Variants in ZNF362 observed in about 807,000 individuals in gnomAD.
The protein encoded by ZNF362 is zinc finger protein 362, also known as rotund homolog.
A neutral mutation model predicts 42.9 loss-of-function variants in ZNF362; 11 were observed. That is an observed-to-expected ratio of 0.26 (90% CI 0.16 to 0.42). The LOEUF is 0.42. Ranked by LOEUF, ZNF362 falls within the 20% of genes least tolerant of loss-of-function variation. The pLI is 1.00. For synonymous variants in ZNF362, 255 were observed against 257.3 expected, an observed-to-expected ratio of 0.99 and a Z score of 0.09; for missense variants, 362 against 576.2, an observed-to-expected ratio of 0.63 and a Z score of 3.81.
the ZNF362 span, among the ~76,000 whole-genome samples, chr1:33,127,857 G>A: frequency 1.9e-4 from 29 of 152,112 alleles, no homozygotes; most frequent in African/African-American, 6.3e-4. Flanking sequence ...CCCTGCTCTC[G>A]CCTTCACTCG....
At chr1:33,215,359 G>T in the ZNF362 span, among the ~76,000 whole-genome samples, 2 of 152,022 alleles carry the variant, frequency 1.3e-5, no homozygotes, top group African/African-American at 4.8e-5. Flanking sequence ...GGAAGCTTGG[G>T]GTAGGGTGGG....
chr1:33,250,890 A>AAGAAGAAGAAGAAGAAGG, the ZNF362 span, among the ~76,000 whole-genome samples: 4 of 150,956 alleles, frequency 2.6e-5, no homozygotes, highest in Non-Finnish European at 4.4e-5. Context: ...GAAGAAGAAG[A>AAGAAGAAGAAGAAGAAGG]AGAAGGAGAA....
At chr1:33,138,184 G>T in the ZNF362 span, among the ~76,000 whole-genome samples, 9 of 152,116 alleles carry the variant, frequency 5.9e-5, no homozygotes, top group Non-Finnish European at 8.8e-5. Context: ...CATCTGCTGC[G>T]GCAGGTTCCC....
rs757844750 is a variant in ZNF362, at chr1:33,299,038, C to G, written c.1255C>G (p.Leu419Val). Reference protein sequence around the residue: ...ESPGIPVRISLI With the variant: ...ESPGIPVRISVI ...CCCCGGCATCCCGGTGCGAATCTCTCTCATCTGAGCCCACTGGAGGCGCCG... is the reference window on the plus strand; with the variant it reads ...CCCCGGCATCCCGGTGCGAATCTCTGTCATCTGAGCCCACTGGAGGCGCCG... Residue 419 changes from leucine to valine, a missense_variant, in exon 9 of 9, where the codon CTC (leucine) becomes GTC (valine). Coordinates refer to ENST00000539719, the MANE Select transcript of ZNF362 (RefSeq NM_152493.3). The G allele has an allele frequency of 6.2e-7, 1 of 1,608,702 alleles. No homozygotes were observed. The highest frequency in any genetic ancestry group is 8.5e-7 in the Non-Finnish European group (1 of 1,179,782).
chr1:33,189,671 A>ATATATATG, the ZNF362 span, among the ~76,000 whole-genome samples: 31 of 105,054 alleles, frequency 3.0e-4, 1 homozygote, highest in African/African-American at 1.1e-3. Context: ...ATATATATAT[A>ATATATATG]TGTATATATA....
chr1:33,222,518 T>C, the ZNF362 span, among the ~76,000 whole-genome samples: 1 of 152,200 alleles, frequency 6.6e-6, no homozygotes. Flanking sequence ...ATGAATCACA[T>C]CATGCCACTG....
At chr1:33,210,783 C>A in the ZNF362 span, among the ~76,000 whole-genome samples, 1 of 152,072 alleles carries the variant, frequency 6.6e-6, no homozygotes, top group East Asian at 1.9e-4. Flanking sequence ...GCTTGGTAGA[C>A]CTTCCTCCAT....
chr1:33,295,453 A>G (rs1036827871), intron 8 of ZNF362, 148 bp downstream of exon 8: 24 of 1,101,928 alleles, frequency 2.2e-5, no homozygotes, highest in Non-Finnish European at 3.1e-5. Context: ...CCCTGAGATC[A>G]CAGGGAAGGG....
chr1:33,196,741 G>T, the ZNF362 span, among the ~76,000 whole-genome samples: 1 of 152,216 alleles, frequency 6.6e-6, no homozygotes, highest in South Asian at 2.1e-4. Context: ...GTACATAATT[G>T]TATGTGCTAG....
Position 33,281,679 on chromosome 1 carries a change from A to G in ZNF362, c.776A>G (p.His259Arg). 1 of 1,614,220 alleles carries G rather than the reference A, an allele frequency of 6.2e-7. No homozygotes were observed. The highest frequency in any genetic ancestry group is 8.5e-7 in the Non-Finnish European group (1 of 1,180,032). The part of the protein sequence containing the change: ...HTEAKPHKCP[H>R]CSKSFANASY... The stretch of plus-strand genomic sequence containing the variant: ...GAGGCCAAGCCCCACAAGTGCCCGC[A>G]CTGCTCCAAGTCCTTTGCCAACGCC... The change falls in exon 6 of 9, where the codon CAC becomes CGC. Residue 259 changes from histidine to arginine, a missense_variant. Around this residue, in one of 3 missense-constraint regions of ZNF362, gnomAD observed 266 missense variants for 365.4 expected, o/e 0.73. Coordinates refer to ENST00000539719, the MANE Select transcript of ZNF362 (RefSeq NM_152493.3). The surrounding 1 kb of genome is among the most constrained non-coding windows in gnomAD (Gnocchi z 4.8).
intron 1 of ZNF362, chr1:33,261,651 T>A (rs1645828654): frequency 6.6e-6 from 1 of 152,220 alleles, no homozygotes; most frequent in Non-Finnish European, 1.5e-5. Context: ...GACACCGTTA[T>A]CTCTCCAATA....
At chr1:33,295,463 G>A (rs75488310) in intron 8 of ZNF362, among the ~76,000 whole-genome samples, 158 bp downstream of exon 8, 3,495 of 152,276 alleles carry the variant, frequency 0.023, 52 homozygotes, top group Middle Eastern at 0.058. Context: ...ACAGGGAAGG[G>A]GAGAACCAGA....
the ZNF362 span, among the ~76,000 whole-genome samples, chr1:33,168,814 GC>G: frequency 6.6e-6 from 1 of 152,188 alleles, no homozygotes; most frequent in African/African-American, 2.4e-5. Flanking sequence ...GAGGAGATGG[GC>G]CAAGTGCTAC....
At chr1:33,154,199 G>A in the ZNF362 span, among the ~76,000 whole-genome samples, 1 of 152,202 alleles carries the variant, frequency 6.6e-6, no homozygotes, top group African/African-American at 2.4e-5. Context: ...GGTGGCTCAC[G>A]CCTGTAATGC....
At chr1:33,285,243 G>A (rs942641801) in intron 6 of ZNF362, among the ~76,000 whole-genome samples, 2 of 152,068 alleles carry the variant, frequency 1.3e-5, no homozygotes, top group African/African-American at 2.4e-5. Flanking sequence ...GTCAAACTCC[G>A]TCTCTACTAA....
At chr1:33,184,580 G>C in the ZNF362 span, among the ~76,000 whole-genome samples, 2 of 152,188 alleles carry the variant, frequency 1.3e-5, no homozygotes, top group South Asian at 4.1e-4. Flanking sequence ...AGATGTACCA[G>C]GGACACAGCT....
intron 6 of ZNF362, among the ~76,000 whole-genome samples, chr1:33,287,033 C>T (rs754632014): frequency 4.6e-5 from 7 of 152,298 alleles, no homozygotes; most frequent in Non-Finnish European, 8.8e-5. Context: ...CTTAATTGGC[C>T]TGCAGCGTGA....
chr1:33,203,178 ACTTTT>A, the ZNF362 span, among the ~76,000 whole-genome samples: 22 of 151,896 alleles, frequency 1.4e-4, no homozygotes, highest in African/African-American at 4.3e-4. Context: ...CATCTTTCTG[ACTTTT>A]CTTTTTTTTG....
At chr1:33,165,788 C>T in the ZNF362 span, 1 of 406,474 alleles carries the variant, frequency 2.5e-6, no homozygotes, top group Non-Finnish European at 4.4e-6. The surrounding 1 kb of genome is among the most constrained non-coding windows in gnomAD (Gnocchi z 4.0). Context: ...CAACAACCTC[C>T]TCCTCTTTGG....
Sources: gnomAD v4.1 joint callset for allele counts (sites outside exome capture counted in the v4.1 genomes callset) on GRCh38, gnomAD v4.1.1 for gene constraint, gnomAD v4.1.1 regional missense constraint, Gnocchi (gnomAD v3.1) non-coding constraint, MANE v1.5 for transcripts, NCBI Gene and HGNC (gene_info 2026-07-23, HGNC 2026-07-21) for gene names.